The following NOMO1 variants were observed in gnomAD, a reference collection of about 807,000 sequenced individuals.
NOMO1 encodes NODAL modulator 1, also known as nodal modulator 3.
Under a neutral mutation model 133.8 loss-of-function variants are expected in NOMO1, and 40 were observed. That is an observed-to-expected ratio of 0.30 (90% CI 0.23 to 0.39). The LOEUF (loss-of-function observed/expected upper bound fraction) is 0.39. Among genes scored for constraint, NOMO1 ranks in the 10% least tolerant of loss-of-function variants. The pLI, the probability that NOMO1 is intolerant of heterozygous loss-of-function variation, is 1.00. For missense variants in NOMO1, 462 were observed against 1,419.9 expected (o/e 0.33, Z 10.84); for synonymous variants, 236 against 570.5 (o/e 0.41, Z 8.36).
At chr16:14,871,408 T>C (rs1964078727) in intron 16 of NOMO1, among the ~76,000 whole-genome samples, 1 of 152,106 alleles carries the variant, frequency 6.6e-6, no homozygotes, top group African/African-American at 2.4e-5. Flanking sequence ...CATGCGCCTG[T>C]GATCGCGCCA....
chr16:14,884,591 G>T, intron 27 of NOMO1, 109 bp downstream of exon 27: 1 of 1,551,772 alleles, frequency 6.4e-7, no homozygotes. Flanking sequence ...GGTGTGACAG[G>T]TGGAGGTGCT....
chr16:14,853,661 A>G (rs1162138119), intron 8 of NOMO1, 57 bp downstream of exon 8: 7 of 1,611,156 alleles, frequency 4.3e-6, no homozygotes, highest in Non-Finnish European at 5.9e-6. Context: ...ACACAGTAAA[A>G]GCCAATGCTG....
intron 9 of NOMO1, among the ~76,000 whole-genome samples, chr16:14,855,726 G>A (rs1014794909): frequency 6.6e-6 from 1 of 152,022 alleles, no homozygotes; most frequent in African/African-American, 2.4e-5. Context: ...TACATATTTT[G>A]AAAATGATGA....
At chr16:14,836,820 C>T (rs1456733581) in intron 1 of NOMO1, among the ~76,000 whole-genome samples, 1 of 151,044 alleles carries the variant, frequency 6.6e-6, no homozygotes, top group African/African-American at 2.4e-5. Flanking sequence ...ATTCTCCTGC[C>T]TCAGCCTCCC....
At chr16:14,857,015 T>C (rs1296849140) in intron 9 of NOMO1, among the ~76,000 whole-genome samples, 3 of 151,954 alleles carry the variant, frequency 2.0e-5, no homozygotes, top group African/African-American at 7.3e-5. Flanking sequence ...CACTCAGCAG[T>C]GTGTTGGGAA....
chr16:14,877,877 ATTCTAC>A (rs1964184151), intron 22 of NOMO1, among the ~76,000 whole-genome samples: 1 of 110,652 alleles, frequency 9.0e-6, no homozygotes, highest in Non-Finnish European at 1.9e-5. Flanking sequence ...GTATCCAACA[ATTCTAC>A]TTCTAGGAAT....
Position 14,838,427 on chromosome 16 carries a change from T to C in NOMO1, c.186T>C (p.His62=), listed in dbSNP as rs1963553615. The part of the protein sequence containing the change: ...SLIEIKLYTK[H]GTLKYQTDCA... ...TCCAGATAAAGCTGTACACCAAGCA[T>C]GGGACTTTGAAATACCAGACAGACT... The change falls in exon 2 of 31, where the codon CAT becomes CAC. Residue 62 remains histidine, a synonymous_variant. Coordinates refer to ENST00000287667, the MANE Select transcript of NOMO1 (RefSeq NM_014287.4). The C allele has an allele frequency of 6.2e-7, 1 of 1,609,888 alleles. No homozygotes were observed. Among genetic ancestry groups the C allele is most frequent in the Non-Finnish European group, 8.5e-7 (1 of 1,178,670 alleles).
intron 27 of NOMO1, among the ~76,000 whole-genome samples, chr16:14,884,940 A>G (rs1717282371): frequency 6.6e-6 from 1 of 152,006 alleles, no homozygotes; most frequent in African/African-American, 2.4e-5. Flanking sequence ...CTCGTTCTGT[A>G]GGTTGTACAG....
Position 14,874,908 on chromosome 16 carries a change from A to G in NOMO1, c.2055-128A>G, listed in dbSNP as rs550236449. 7.4e-5 allele frequency: 54 copies of G among 726,432 alleles called. No homozygotes were observed. In the South Asian group the frequency reaches 9.9e-4, roughly 13 times the overall value. The allele number at this position is 726,432 out of a possible 1,614,324, so 45.0% of individuals were successfully genotyped here. A position where few individuals can be genotyped will look rare whatever the true frequency, so the allele number is the denominator to read the frequency against. On this transcript the variant is annotated intron_variant, in intron 18 of 30. Coordinates refer to ENST00000287667, the MANE Select transcript of NOMO1 (RefSeq NM_014287.4). ...ACTACTAGTTTATTTAAAACAGAAG[A>G]CTCCGCCACTGTGGTGTCATGATAA...
intron 7 of NOMO1, 157 bp from the exon 8 acceptor site, chr16:14,853,310 T>C: frequency 1.9e-6 from 1 of 527,480 alleles, no homozygotes. Flanking sequence ...AATGTCAAGA[T>C]TTTTGTTCCT....
Sources: allele counts gnomAD v4.1 joint callset (sites outside exome capture counted in the v4.1 genomes callset), GRCh38; gene constraint gnomAD v4.1.1; transcripts MANE v1.5; gene names NCBI Gene and HGNC (gene_info 2026-07-23, HGNC 2026-07-21).